The following ENPP6 variants were observed in gnomAD, a reference collection of about 807,000 sequenced individuals.
ENPP6 encodes the protein glycerophosphocholine cholinephosphodiesterase ENPP6.
A neutral mutation model predicts 42.0 loss-of-function variants in ENPP6; 32 were observed. That is an observed-to-expected ratio of 0.76 (90% confidence interval 0.58 to 1.02). The LOEUF is 1.02. ENPP6 is among the 50% of genes least tolerant of loss of function. The pLI is 0.00. For missense variants in ENPP6, 552 were observed against 566.8 expected (o/e 0.97, Z 0.27); for synonymous variants, 213 against 216.0 (o/e 0.99, Z 0.12).
At chr4:184,213,300 G>A (rs1043844939) in intron 1 of ENPP6, among the ~76,000 whole-genome samples, 3 of 151,144 alleles carry the variant, frequency 2.0e-5, no homozygotes, top group African/African-American at 4.9e-5. Flanking sequence ...GAGTGAACAG[G>A]CAACCTACAA....
chr4:184,191,129 C>T (rs538710179), intron 1 of ENPP6, among the ~76,000 whole-genome samples: 30 of 152,250 alleles, frequency 2.0e-4, no homozygotes, highest in Middle Eastern at 6.8e-3. Flanking sequence ...TGCAGGATGG[C>T]GGCCCTGAGA....
At chr4:184,096,416 G>A (rs1381773721) in intron 7 of ENPP6, among the ~76,000 whole-genome samples, 1 of 152,168 alleles carries the variant, frequency 6.6e-6, no homozygotes, top group Non-Finnish European at 1.5e-5. Context: ...AGTGCAGGAG[G>A]ACGGACTGTG....
chr4:184,160,693 G>A (rs1413199273), intron 1 of ENPP6, among the ~76,000 whole-genome samples: 1 of 124,716 alleles, frequency 8.0e-6, no homozygotes, highest in African/African-American at 3.1e-5. Flanking sequence ...CTAGAGATCA[G>A]CTGGAGCTCT....
chr4:184,101,925 G>A (rs577799844), intron 6 of ENPP6, among the ~76,000 whole-genome samples: 5 of 152,306 alleles, frequency 3.3e-5, no homozygotes, highest in South Asian at 4.1e-4. Context: ...AAGCCGCTGC[G>A]AGGGTGCCTT....
intron 1 of ENPP6, among the ~76,000 whole-genome samples, chr4:184,168,898 G>A (rs1560999637): frequency 6.6e-6 from 1 of 152,106 alleles, no homozygotes; most frequent in African/African-American, 2.4e-5. Flanking sequence ...CTCGTGCTGT[G>A]CCCCCCGCTT....
chr4:184,143,607 C>G (rs1034600620), intron 2 of ENPP6, among the ~76,000 whole-genome samples: 5 of 152,218 alleles, frequency 3.3e-5, no homozygotes, highest in Admixed American at 6.5e-5. Context: ...TTCCTGGGAG[C>G]CCCGCTTTCT....
intron 1 of ENPP6, among the ~76,000 whole-genome samples, chr4:184,208,651 C>T (rs563885832): frequency 1.6e-3 from 245 of 149,256 alleles, no homozygotes; most frequent in African/African-American, 5.0e-3. Flanking sequence ...AAGGCGGCAG[C>T]GAGGCTGGGG....
intron 1 of ENPP6, among the ~76,000 whole-genome samples, chr4:184,162,415 A>G (rs1039782883): frequency 6.6e-6 from 1 of 152,206 alleles, no homozygotes; most frequent in Non-Finnish European, 1.5e-5. Flanking sequence ...CTTTTTCTAC[A>G]AAGACAACTT....
At chr4:184,146,705 T>C (rs947755609) in intron 2 of ENPP6, among the ~76,000 whole-genome samples, 1 of 152,206 alleles carries the variant, frequency 6.6e-6, no homozygotes, top group Non-Finnish European at 1.5e-5. Context: ...TGTCAAGTAG[T>C]GTCACTGTCT....
intron 2 of ENPP6, among the ~76,000 whole-genome samples, chr4:184,143,764 C>A (rs114526493): frequency 1.3e-5 from 2 of 152,188 alleles, no homozygotes; most frequent in Non-Finnish European, 2.9e-5. Flanking sequence ...GATTTCTGCG[C>A]GCCTCGCAGT....
At position 184,131,259 on chromosome 4, in the gene ENPP6, T is replaced by TTCCTTCCTTCCTTCCTTCCTTC. The variant is rs1553996065; in HGVS notation, c.422-6988_422-6987insGAAGGAAGGAAGGAAGGAAGGA. Among the ~76,000 whole-genome samples, 12 of 73,280 alleles carry TTCCTTCCTTCCTTCCTTCCTTC rather than the reference T, an allele frequency of 1.6e-4. 1 individual carries two copies. Among genetic ancestry groups the TTCCTTCCTTCCTTCCTTCCTTC allele is most frequent in the Admixed American group, 2.8e-4 (2 of 7,210 alleles). The allele number at this position is 73,280 out of a possible 152,430, so 48.1% of individuals were successfully genotyped here. A position where few individuals can be genotyped will look rare whatever the true frequency, so the allele number is the denominator to read the frequency against. On this transcript the variant is annotated intron_variant, in intron 2 of 7. Transcript: ENST00000296741. ...CCTTTTCTTTCTTTCTTTCTCTTTC[T>TTCCTTCCTTCCTTCCTTCCTTC]CTTCCTTCCTTCCTTCCTTCCTTCC...
rs556338007 is a variant in ENPP6, at chr4:184,090,610, C to G, written c.*567G>C. Reference sequence around the variant, plus strand: ...TTGATTGGTGATCCATGCTAAGTTACGTCCTTTCTGGAGCTCAGTATAAGA... The same window carrying G: ...TTGATTGGTGATCCATGCTAAGTTAGGTCCTTTCTGGAGCTCAGTATAAGA... On this transcript the variant is annotated 3_prime_UTR_variant, in exon 8 of 8. Transcript: ENST00000296741. The G allele has an allele frequency of 5.9e-6, 1 of 170,502 alleles. No individual in the cohort carries two copies. The highest frequency in any genetic ancestry group is 6.3e-5 in the Admixed American group (1 of 15,754). 10.6% of individuals were successfully genotyped at this position (170,502 alleles called of 1,614,324 possible). A position where few individuals can be genotyped will look rare whatever the true frequency, so the allele number is the denominator to read the frequency against.
At chr4:184,149,133 C>CCTGAAAAAAAA (rs1240832496) in intron 2 of ENPP6, among the ~76,000 whole-genome samples, 8 of 152,154 alleles carry the variant, frequency 5.3e-5, no homozygotes, top group African/African-American at 1.7e-4. Context: ...TTGACATCTG[C>CCTGAAAAAAAA]CTGAAAAAAA....
chr4:184,171,465 C>T (rs1348463718), intron 1 of ENPP6, among the ~76,000 whole-genome samples: 1 of 152,182 alleles, frequency 6.6e-6, no homozygotes, highest in Non-Finnish European at 1.5e-5. Flanking sequence ...AGAGGGGACA[C>T]CACTTGATGG....
intron 2 of ENPP6, among the ~76,000 whole-genome samples, chr4:184,145,365 T>C (rs1021722067): frequency 6.6e-6 from 1 of 152,196 alleles, no homozygotes; most frequent in Non-Finnish European, 1.5e-5. Flanking sequence ...TCTTCTTTAT[T>C]TTTTCCTTCA....
chr4:184,106,909 T>C (rs1199608278), intron 6 of ENPP6, among the ~76,000 whole-genome samples: 1 of 152,166 alleles, frequency 6.6e-6, no homozygotes. Context: ...GCCTTCACGG[T>C]CGGGGATGGA....
chr4:184,191,395 T>C lies in ENPP6; in HGVS notation c.241+26184A>G, dbSNP rs1026093494. Reference sequence around the variant, plus strand: ...CAAAATACGGTAGACATTTGGGAAATGTACGTTCTGCTCCCTGCTTGACTG... The same window carrying C: ...CAAAATACGGTAGACATTTGGGAAACGTACGTTCTGCTCCCTGCTTGACTG... On this transcript the variant is annotated intron_variant, in intron 1 of 7. Transcript: ENST00000296741. Among the ~76,000 whole-genome samples the C allele has an allele frequency of 4.6e-5, 7 of 152,202 alleles. No homozygotes were observed. The East Asian group carries it at 1.3e-3, about 29-fold the overall frequency.
At chr4:184,131,589 C>G (rs1291249805) in intron 2 of ENPP6, among the ~76,000 whole-genome samples, 1 of 150,056 alleles carries the variant, frequency 6.7e-6, no homozygotes, top group Non-Finnish European at 1.5e-5. Flanking sequence ...GTCTTGAACT[C>G]TTGACCTCAG....
rs1004890814 is a variant in ENPP6, at chr4:184,180,230, C to A, written c.242-26497G>T. On this transcript the variant is annotated intron_variant, in intron 1 of 7. Coordinates refer to ENST00000296741, the MANE Select transcript of ENPP6 (RefSeq NM_153343.4). The stretch of plus-strand genomic sequence containing the variant: ...CAACCATCAGAGAATACTATAAATA[C>A]CCCTATGCAAATAAACTAGAAAATC... Among the ~76,000 whole-genome samples, 3 of 152,234 alleles carry A rather than the reference C, an allele frequency of 2.0e-5. No homozygotes were observed. The East Asian group carries it at 5.8e-4, about 29-fold the overall frequency.
Sources: gnomAD v4.1 joint callset for allele counts (sites outside exome capture counted in the v4.1 genomes callset) on GRCh38, gnomAD v4.1.1 for gene constraint, MANE v1.5 for transcripts, NCBI Gene and HGNC (gene_info 2026-07-23, HGNC 2026-07-21) for gene names.